The following TRPM3 variants were observed in gnomAD, a reference collection of about 807,000 sequenced individuals.
TRPM3 encodes the protein long transient receptor potential channel 3.
In TRPM3, 77 loss-of-function variants were observed where a neutral mutation model predicts 181.2. The observed-to-expected ratio is 0.42, with a 90% CI of 0.35 to 0.51. The LOEUF is 0.51. TRPM3 is among the 20% of genes least tolerant of loss of function. TRPM3 has a pLI of 0.01. For synonymous variants in TRPM3, 745 were observed against 796.4 expected, an observed-to-expected ratio of 0.94 and a Z score of 1.09; for missense variants, 1,759 against 2,196.7, an observed-to-expected ratio of 0.80 and a Z score of 3.98.
intron 15 of TRPM3, 55 bp from the exon 16 acceptor site, chr9:70,620,420 A>T: frequency 1.3e-6 from 2 of 1,537,158 alleles, no homozygotes; most frequent in Non-Finnish European, 1.8e-6. Flanking sequence ...GGTTCATTTC[A>T]GCAAGTAGCA....
At chr9:70,904,840 T>C (rs1774305258) in intron 1 of TRPM3, among the ~76,000 whole-genome samples, 1 of 152,246 alleles carries the variant, frequency 6.6e-6, no homozygotes, top group African/African-American at 2.4e-5. Flanking sequence ...TTTCTTTTGA[T>C]ATCAGCAAAA....
chr9:70,697,262 T>C (rs2070832692), intron 8 of TRPM3, among the ~76,000 whole-genome samples: 2 of 152,234 alleles, frequency 1.3e-5, no homozygotes, highest in Admixed American at 6.5e-5. Flanking sequence ...AAGGGACTAT[T>C]AGCCTAAGGC....
At chr9:71,152,200 T>C (rs993646747) in intron 1 of TRPM3, among the ~76,000 whole-genome samples, 29 of 152,122 alleles carry the variant, frequency 1.9e-4, no homozygotes, top group African/African-American at 6.8e-4. Context: ...AGATAAATGA[T>C]TCTGAGATTT....
intron 1 of TRPM3, among the ~76,000 whole-genome samples, chr9:71,299,548 G>A (rs1275159560): frequency 1.3e-5 from 2 of 151,832 alleles, no homozygotes; most frequent in African/African-American, 4.8e-5. Flanking sequence ...AGGAAGGAAG[G>A]AGAGGGGAGG....
At chr9:71,408,114 C>A (rs112459131) in intron 1 of TRPM3, among the ~76,000 whole-genome samples, 2,161 of 152,202 alleles carry the variant, frequency 0.014, 47 homozygotes, top group East Asian at 0.085. Flanking sequence ...TTGTCAAAGA[C>A]CAAAGGTAGA....
chr9:70,894,321 C>T (rs1390676817), intron 1 of TRPM3, among the ~76,000 whole-genome samples: 1 of 152,186 alleles, frequency 6.6e-6, no homozygotes, highest in Non-Finnish European at 1.5e-5. Context: ...AGGATTAGGA[C>T]CTGGCAGAGG....
intron 1 of TRPM3, among the ~76,000 whole-genome samples, chr9:71,267,875 G>A (rs1451069702): frequency 2.0e-5 from 3 of 151,950 alleles, no homozygotes; most frequent in African/African-American, 7.3e-5. Flanking sequence ...AGATCTTCCT[G>A]GCTACTGTTA....
chr9:71,344,726 T>C (rs561556994), intron 1 of TRPM3, among the ~76,000 whole-genome samples: 1 of 152,098 alleles, frequency 6.6e-6, no homozygotes, highest in Non-Finnish European at 1.5e-5. Flanking sequence ...ACAAAAAAGT[T>C]ATAAACTAGA....
At chr9:71,310,195 C>A (rs2087780876) in intron 1 of TRPM3, among the ~76,000 whole-genome samples, 1 of 151,774 alleles carries the variant, frequency 6.6e-6, no homozygotes, top group East Asian at 1.9e-4. Context: ...AGGTAAGAAT[C>A]ATCACACAGT....
At chr9:71,163,546 G>T (rs1391486938) in intron 1 of TRPM3, among the ~76,000 whole-genome samples, 6 of 152,192 alleles carry the variant, frequency 3.9e-5, no homozygotes, top group Non-Finnish European at 8.8e-5. Context: ...TGAAGTGCTT[G>T]TGAGATAATC....
chr9:70,809,311 G>C (rs531906951), intron 6 of TRPM3, among the ~76,000 whole-genome samples: 1 of 152,112 alleles, frequency 6.6e-6, no homozygotes, highest in Non-Finnish European at 1.5e-5. Flanking sequence ...ATTTAGTATA[G>C]CCTAATTATA....
intron 22 of TRPM3, among the ~76,000 whole-genome samples, chr9:70,588,241 G>A (rs1169092954): frequency 6.6e-6 from 1 of 152,044 alleles, no homozygotes; most frequent in Non-Finnish European, 1.5e-5. Context: ...TGATCTCTGT[G>A]TTTAGAACAA....
chr9:70,622,587 G>C (rs1471362686), intron 14 of TRPM3, among the ~76,000 whole-genome samples: 2 of 152,234 alleles, frequency 1.3e-5, no homozygotes, highest in Non-Finnish European at 2.9e-5. Context: ...GCCATGCTGG[G>C]AATGTGCAAA....
At chr9:71,306,614 G>C (rs1033300106) in intron 1 of TRPM3, among the ~76,000 whole-genome samples, 37 of 152,052 alleles carry the variant, frequency 2.4e-4, no homozygotes, top group African/African-American at 8.2e-4. Context: ...GGTGGCTCAC[G>C]CCTGTAATCC....
intron 8 of TRPM3, among the ~76,000 whole-genome samples, chr9:70,739,835 C>T (rs2073634229): frequency 6.6e-6 from 1 of 152,086 alleles, no homozygotes; most frequent in Admixed American, 6.6e-5. Flanking sequence ...CTAGGCTGGT[C>T]TCGAACTACT....
chr9:71,198,811 T>C (rs1225110965), intron 1 of TRPM3, among the ~76,000 whole-genome samples: 2 of 144,012 alleles, frequency 1.4e-5, no homozygotes, highest in East Asian at 2.1e-4. Flanking sequence ...AATCATGTCA[T>C]CTGCAAACAG....
At chr9:71,328,784 T>G (rs2089906493) in intron 1 of TRPM3, among the ~76,000 whole-genome samples, 2 of 152,344 alleles carry the variant, frequency 1.3e-5, no homozygotes, top group South Asian at 4.1e-4. Context: ...ACTGCTCTGA[T>G]ATTTTTATAT....
At chr9:71,031,983 T>A (rs1565021588) in intron 1 of TRPM3, among the ~76,000 whole-genome samples, 1 of 524 alleles carries the variant, frequency 1.9e-3, no homozygotes, top group African/African-American at 0.025. Flanking sequence ...TATATATATA[T>A]ATATTATATA....
chr9:70,856,391 A>T (rs1252923099), intron 3 of TRPM3, among the ~76,000 whole-genome samples: 1 of 152,236 alleles, frequency 6.6e-6, no homozygotes, highest in South Asian at 2.1e-4. Flanking sequence ...TTGGTTAGCC[A>T]CAGCCTATTG....
Sources: gnomAD v4.1 joint callset for allele counts (sites outside exome capture counted in the v4.1 genomes callset) on GRCh38, gnomAD v4.1.1 for gene constraint, MANE v1.5 for transcripts, NCBI Gene and HGNC (gene_info 2026-07-23, HGNC 2026-07-21) for gene names.